PEX11G: variants seen among roughly 807,000 people sequenced by gnomAD.
PEX11G encodes peroxisomal membrane protein 11C.
Under a neutral mutation model 22.5 loss-of-function variants are expected in PEX11G, and 20 were observed. The observed-to-expected ratio is 0.89, with a 90% confidence interval of 0.62 to 1.29. The LOEUF (loss-of-function observed/expected upper bound fraction) is 1.29. PEX11G is among the 50% of genes most tolerant of loss of function. The probability of loss-of-function intolerance (pLI) is 0.00; values close to 1 mark genes in which losing one functional copy is unlikely to be tolerated. For missense variants in PEX11G, 347 were observed against 331.3 expected (o/e 1.05, Z -0.37); for synonymous variants, 141 against 154.5 (o/e 0.91, Z 0.65).
upstream of PEX11G, chr19:7,491,240 C>G (rs2145985400): frequency 6.7e-6 from 1 of 150,162 alleles, no homozygotes; most frequent in Non-Finnish European, 1.5e-5. Flanking sequence ...TCTGCTGTCT[C>G]TCTGTATTTT....
intron 3 of PEX11G, 52 bp downstream of exon 3, chr19:7,481,981 G>A: frequency 2.0e-6 from 3 of 1,469,350 alleles, no homozygotes; most frequent in South Asian, 2.7e-5. Flanking sequence ...ACTTTGCTAA[G>A]GAGGCACCGC....
chr19:7,494,047 C>T (rs1325145203), intron 1 of PEX11G, among the ~76,000 whole-genome samples: 4 of 152,080 alleles, frequency 2.6e-5, no homozygotes, highest in African/African-American at 9.7e-5. Flanking sequence ...GCTAGGATTA[C>T]AGGCACCCAC....
intron 3 of PEX11G, among the ~76,000 whole-genome samples, chr19:7,479,018 G>A (rs1042145904): frequency 1.3e-5 from 2 of 152,228 alleles, no homozygotes; most frequent in Non-Finnish European, 2.9e-5. Flanking sequence ...CCTCGGCCGT[G>A]GGGTGTGCCG....
upstream of PEX11G, among the ~76,000 whole-genome samples, chr19:7,492,271 A>C (rs956233365): frequency 6.6e-6 from 1 of 152,148 alleles, no homozygotes; most frequent in East Asian, 1.9e-4. Context: ...CAGTAGCAGT[A>C]CCATTTTCCA....
At chr19:7,479,905 G>T (rs1427956344) in intron 3 of PEX11G, among the ~76,000 whole-genome samples, 1 of 152,136 alleles carries the variant, frequency 6.6e-6, no homozygotes, top group Admixed American at 6.6e-5. Flanking sequence ...GCTGTGTGTG[G>T]GGGTATATGG....
chr19:7,477,376 TG>T lies in PEX11G; in HGVS notation c.551del (p.Ser184TyrfsTer30). 6.4e-7 allele frequency: 1 copy of T among 1,554,590 alleles called. No individual in the cohort carries two copies. The highest frequency in any genetic ancestry group is 8.7e-7 in the Non-Finnish European group (1 of 1,152,600). ...CCAGGTCGGCCAGGTTGCTGAGAAG[TG>T]ACAGCGCCTCCGACTGCATCTGCGC... Reference protein sequence around the residue: ...MEAQMQSEALSLLSNLADLAN... With the variant: ...MEAQMQSEALXLLSNLADLAN... On this transcript the variant is annotated frameshift_variant, in exon 5 of 5. Transcript: ENST00000221480. LOFTEE classifies it high-confidence loss of function.
chr19:7,488,837 G>T, intron 1 of PEX11G, 114 bp downstream of exon 1: 2 of 1,072,242 alleles, frequency 1.9e-6, no homozygotes, highest in South Asian at 2.7e-5. Flanking sequence ...AGCTCGGACG[G>T]GGCCTCTGCG....
chr19:7,481,269 G>A (rs762513289), intron 3 of PEX11G, among the ~76,000 whole-genome samples: 1 of 151,520 alleles, frequency 6.6e-6, no homozygotes, highest in Non-Finnish European at 1.5e-5. Flanking sequence ...GTGTGATCTC[G>A]GCTCACTGCA....
At chr19:7,481,884 G>A in intron 3 of PEX11G, 149 bp downstream of exon 3, 2 of 776,384 alleles carry the variant, frequency 2.6e-6, no homozygotes, top group Non-Finnish European at 1.9e-6. Flanking sequence ...CCCACAAAAG[G>A]AAGAAACAAC....
intron 1 of PEX11G, among the ~76,000 whole-genome samples, chr19:7,494,862 C>T (rs747314993): frequency 3.9e-5 from 6 of 152,216 alleles, no homozygotes; most frequent in East Asian, 1.9e-4. Flanking sequence ...AGGCAAAACA[C>T]GAACACTGTC....
rs1233311540 is a variant in PEX11G, at chr19:7,477,056, C to T, written c.*146G>A. The T allele has an allele frequency of 1.5e-6, 1 of 685,212 alleles. No individual in the cohort carries two copies. The highest frequency in any genetic ancestry group is 2.1e-6 in the Non-Finnish European group (1 of 466,018). The allele number at this position is 685,212 out of a possible 1,614,324, so 42.4% of individuals were successfully genotyped here. ...AGCTCCAGGCTGAGGCCTGGGGGAC[C>T]TCGCATCAGTCCCTCCACCCACCCT... On this transcript the variant is annotated 3_prime_UTR_variant, in exon 5 of 5. Transcript: ENST00000221480.
chr19:7,494,541 C>T (rs1283662544), intron 1 of PEX11G, among the ~76,000 whole-genome samples: 3 of 152,246 alleles, frequency 2.0e-5, no homozygotes, highest in Non-Finnish European at 4.4e-5. Context: ...TGCCCGAATG[C>T]TTCCTGTGTG....
chr19:7,481,223 C>A (rs930049834), intron 3 of PEX11G, among the ~76,000 whole-genome samples: 3 of 152,066 alleles, frequency 2.0e-5, no homozygotes, highest in East Asian at 1.9e-4. Context: ...TTTTTTGACA[C>A]GGAATCTTGC....
chr19:7,481,570 T>TG (rs1977490765), intron 3 of PEX11G, among the ~76,000 whole-genome samples: 15 of 151,992 alleles, frequency 9.9e-5, no homozygotes, highest in Admixed American at 9.8e-4. Context: ...ATCATAGGGG[T>TG]CCTTATAGGA....
In PEX11G at chr19:7,477,228, C is replaced by T. The variant is rs756283519; in HGVS notation, c.700G>A (p.Gly234Ser). The change falls in exon 5 of 5, where the codon GGC becomes AGC. Residue 234 changes from glycine (G) to serine (S), a missense_variant. Physicochemically the swap from Gly to Ser is moderately conservative, Grantham distance 56. Transcript: ENST00000221480. ...CAGGGGGTAGTGGCCTCGGCCTGGC[C>T]GCCGGCCCGGGCCGCCTGGTACATG... is the stretch of plus-strand genomic sequence containing the variant. ...LSMYQAARAGGQAEATTP is the reference protein window; with the variant it reads ...LSMYQAARAGSQAEATTP The T allele has an allele frequency of 2.8e-5, 43 of 1,529,028 alleles. 1 individual carries two copies. The highest frequency in any genetic ancestry group is 8.9e-5 in the Admixed American group (4 of 44,884). 94.7% of individuals were successfully genotyped at this position (1,529,028 alleles called of 1,614,324 possible).
At chr19:7,477,504 G>T (rs1977278431) in intron 4 of PEX11G, 68 bp from the exon 5 acceptor site, 1 of 1,258,956 alleles carries the variant, frequency 7.9e-7, no homozygotes, top group Non-Finnish European at 1.0e-6. Context: ...GCCCCTGAAT[G>T]CCCTGTGTGG....
At chr19:7,493,389 C>T (rs1237709659), upstream of PEX11G, among the ~76,000 whole-genome samples, 2 of 151,898 alleles carry the variant, frequency 1.3e-5, no homozygotes, top group African/African-American at 4.8e-5. Flanking sequence ...GAAATAGGGT[C>T]TCACCATGTT....
intron 3 of PEX11G, among the ~76,000 whole-genome samples, chr19:7,479,624 C>T (rs1385535099): frequency 6.6e-6 from 1 of 152,258 alleles, no homozygotes; most frequent in African/African-American, 2.4e-5. Flanking sequence ...CACCCACTCC[C>T]CCTGCTCACT....
chr19:7,487,258 T>C (rs1021579841), intron 1 of PEX11G, among the ~76,000 whole-genome samples: 1 of 152,130 alleles, frequency 6.6e-6, no homozygotes, highest in African/African-American at 2.4e-5. Flanking sequence ...AAAGTGTATA[T>C]TTACATCTAC....
Sources: allele counts gnomAD v4.1 joint callset (sites outside exome capture counted in the v4.1 genomes callset), GRCh38; gene constraint gnomAD v4.1.1; transcripts MANE v1.5; gene names NCBI Gene and HGNC (gene_info 2026-07-23, HGNC 2026-07-21).